SH3BP5L: variants seen among roughly 807,000 people sequenced by gnomAD.
SH3BP5L encodes SH3 domain-binding protein 5-like.
A neutral mutation model predicts 40.9 loss-of-function variants in SH3BP5L; 16 were observed. That is an observed-to-expected ratio of 0.39 (90% CI 0.27 to 0.59). The LOEUF (loss-of-function observed/expected upper bound fraction) is 0.59, where lower values mean the gene tolerates loss of function less well. SH3BP5L is among the 20% of genes least tolerant of loss of function. SH3BP5L has a pLI of 0.53. For missense variants in SH3BP5L, 471 were observed against 544.6 expected (o/e 0.86, Z 1.35); for synonymous variants, 229 against 226.7 (o/e 1.01, Z -0.09).
At chr1:248,816,301 G>A in intron 4 of SH3BP5L, 1 of 518,738 alleles carries the variant, frequency 1.9e-6, no homozygotes, top group South Asian at 2.2e-5. Context: ...CATTAGCAGG[G>A]CTGAACTAAA....
At chr1:248,818,046 G>A (rs1664152077) in intron 2 of SH3BP5L, among the ~76,000 whole-genome samples, 1 of 151,584 alleles carries the variant, frequency 6.6e-6, no homozygotes, top group Non-Finnish European at 1.5e-5. Flanking sequence ...GGGGAGCCAG[G>A]GAGACAAAAG....
chr1:248,816,466 T>C lies in SH3BP5L; in HGVS notation c.375+68A>G, dbSNP rs1415916948. 6 of 1,597,748 alleles carry C rather than the reference T, an allele frequency of 3.8e-6. No homozygotes were observed. In the South Asian group the frequency reaches 5.5e-5, roughly 15 times the overall value. Reference sequence around the variant, plus strand: ...CTGGTGTTTTGTCTCTCACTCCATATAGAGACAGAAGAATCCAGGGCCAGG... The same window carrying C: ...CTGGTGTTTTGTCTCTCACTCCATACAGAGACAGAAGAATCCAGGGCCAGG... On this transcript the variant is annotated intron_variant, in intron 4 of 6. Coordinates refer to ENST00000366472, the MANE Select transcript of SH3BP5L (RefSeq NM_030645.3).
intron 4 of SH3BP5L, chr1:248,815,014 G>C (rs996157040): frequency 2.8e-6 from 1 of 353,836 alleles, no homozygotes; most frequent in Admixed American, 3.8e-5. Flanking sequence ...AATCAGACAA[G>C]TGCTCAGGGA....
rs112018133 is a variant in SH3BP5L at position 248,822,812 on chromosome 1, G to A, written c.183+1941C>T. Among the ~76,000 whole-genome samples the A allele has an allele frequency of 6.6e-5, 10 of 152,058 alleles. 1 individual carries two copies. The highest frequency in any genetic ancestry group is 1.2e-4 in the African/African-American group (5 of 41,474). ...CAAGTAGCTGGGATTACAGGCACCC[G>A]CCACAACACCTGGCTAGCTTTTTTT... On this transcript the variant is annotated intron_variant, in intron 2 of 6. Transcript: ENST00000366472.
In SH3BP5L at chr1:248,810,512, G is replaced by C. The variant is rs1663869147; in HGVS notation, c.*1388C>G. ...AAGACCCTTTCCCCCTTACACACCA[G>C]CACATGCACACACGCACACCCACAC... On this transcript the variant is annotated 3_prime_UTR_variant, in exon 7 of 7. Coordinates refer to ENST00000366472, the MANE Select transcript of SH3BP5L (RefSeq NM_030645.3). 1 of 152,306 alleles carries C rather than the reference G, an allele frequency of 6.6e-6. No individual in the cohort carries two copies. Among genetic ancestry groups the C allele is most frequent in the Non-Finnish European group, 1.5e-5 (1 of 68,068 alleles). The allele number at this position is 152,306 out of a possible 1,614,324, so 9.4% of individuals were successfully genotyped here. A position where few individuals can be genotyped will look rare whatever the true frequency, so the allele number is the denominator to read the frequency against.
Position 248,812,019 on chromosome 1 carries a change from G to C in SH3BP5L, c.1063C>G (p.Arg355Gly), listed in dbSNP as rs1356310737. 7.4e-6 allele frequency: 12 copies of C among 1,611,730 alleles called. No individual in the cohort carries two copies. Among genetic ancestry groups the C allele is most frequent in the Non-Finnish European group, 8.5e-6 (10 of 1,179,346 alleles). ...AGACTGACGTGGTCCGAGAGGCCTCGCAAGTGCTCCACGGAGTCGCACTTC... is the reference window on the plus strand; with the variant it reads ...AGACTGACGTGGTCCGAGAGGCCTCCCAAGTGCTCCACGGAGTCGCACTTC... The part of the protein sequence containing the change: ...LQKCDSVEHL[R>G]GLSDHVSLDG... Residue 355 changes from arginine (R) to glycine (G), a missense_variant, in exon 7 of 7, where the codon CGA (arginine) becomes GGA (glycine). Transcript: ENST00000366472. The surrounding 1 kb of genome is among the most constrained non-coding windows in gnomAD (Gnocchi z 6.1).
chr1:248,812,963 C>T lies in SH3BP5L; in HGVS notation c.711+26G>A, dbSNP rs1397061575. 1.9e-6 allele frequency: 3 copies of T among 1,547,286 alleles called. No individual in the cohort carries two copies. The highest frequency in any genetic ancestry group is 2.6e-6 in the Non-Finnish European group (3 of 1,139,636). On this transcript the variant is annotated intron_variant, in intron 6 of 6. Transcript: ENST00000366472. The surrounding 1 kb of genome is among the most constrained non-coding windows in gnomAD (Gnocchi z 6.1). Reference sequence around the variant, plus strand: ...AGCCTGCACCCCCACCTACCCATTCCTCCTCCCCCTCACCCACTCAGCTAC... The same window carrying T: ...AGCCTGCACCCCCACCTACCCATTCTTCCTCCCCCTCACCCACTCAGCTAC...
chr1:248,812,150 G>GCC lies in SH3BP5L; in HGVS notation c.930_931dup (p.Ala311GlyfsTer24). 6.2e-7 allele frequency: 1 copy of GCC among 1,600,402 alleles called. No individual in the cohort carries two copies. The highest frequency in any genetic ancestry group is 8.5e-7 in the Non-Finnish European group (1 of 1,173,378). Reference sequence around the variant, plus strand: ...GCCCTCCTCCAGCCCCGCACCCTCGGCCCCCTCAATCCCGCTGTCTCCGTC... The same window carrying GCC: ...GCCCTCCTCCAGCCCCGCACCCTCGGCCCCCCCTCAATCCCGCTGTCTCCGTC... On this transcript the variant is annotated frameshift_variant, in exon 7 of 7. Transcript: ENST00000366472. LOFTEE classifies it high-confidence loss of function. This position sits in a 1 kb window ranked among gnomAD's most constrained non-coding sequence, Gnocchi z 6.1.
Position 248,816,548 on chromosome 1 carries a change from G to C in SH3BP5L, c.361C>G (p.Arg121Gly), listed in dbSNP as rs774976778. 6.2e-6 allele frequency: 10 copies of C among 1,613,896 alleles called. No homozygotes were observed. Among genetic ancestry groups the C allele is most frequent in the Non-Finnish European group, 6.8e-6 (8 of 1,179,996 alleles). The change falls in exon 4 of 7, where the codon CGG becomes GGG. Residue 121 changes from arginine (R) to glycine (G), a missense_variant. By Grantham distance (125) the Arg-to-Gly change is moderately radical. Transcript: ENST00000366472. ...EKARPYYEAR[R>G]LAKEAQQETQ... is the part of the protein sequence containing the mutation. ...GCCAGCCATACCTCCTTAGCCAGCC[G>C]CCGAGCCTCATAGTAGGGCCGGGCT...
At chr1:248,819,776 T>G (rs188186629) in intron 2 of SH3BP5L, among the ~76,000 whole-genome samples, 1 of 151,536 alleles carries the variant, frequency 6.6e-6, no homozygotes, top group African/African-American at 2.4e-5. Flanking sequence ...CAAATTTGCA[T>G]TGGGCCGTGT....
chr1:248,814,732 C>G, intron 4 of SH3BP5L, 122 bp from the exon 5 acceptor site: 1 of 917,694 alleles, frequency 1.1e-6, no homozygotes, highest in South Asian at 1.4e-5. Context: ...GCTTCATTTC[C>G]CAAACTGTGC....
Position 248,812,287 on chromosome 1 carries a change from C to T in SH3BP5L, c.795G>A (p.Glu265=), listed in dbSNP as rs1232613517. The T allele has an allele frequency of 1.2e-6, 2 of 1,612,236 alleles. No homozygotes were observed. The highest frequency in any genetic ancestry group is 1.7e-6 in the Non-Finnish European group (2 of 1,179,988). The part of the protein sequence containing the change: ...TRYSVALRNL[E]QISEQIHARR... ...GTGCGTGAATCTGCTCGCTGATCTG[C>T]TCCAGGTTACGAAGGGCCACGGAGT... The change falls in exon 7 of 7, where the codon GAG becomes GAA. Residue 265 remains glutamate, a synonymous_variant. Transcript: ENST00000366472. This position sits in a 1 kb window ranked among gnomAD's most constrained non-coding sequence, Gnocchi z 6.1.
chr1:248,824,836 C>T lies in SH3BP5L; in HGVS notation c.100G>A (p.Glu34Lys). 6.2e-7 allele frequency: 1 copy of T among 1,614,188 alleles called. No individual in the cohort carries two copies. Among genetic ancestry groups the T allele is most frequent in the Non-Finnish European group, 8.5e-7 (1 of 1,180,012 alleles). Residue 34 changes from glutamate (E) to lysine (K), a missense_variant, in exon 2 of 7, where the codon GAA (glutamate) becomes AAA (lysine). Coordinates refer to ENST00000366472, the MANE Select transcript of SH3BP5L (RefSeq NM_030645.3). ...EDEVPRSPVAEEPGGGGSSSS... is the reference protein window; with the variant it reads ...EDEVPRSPVAKEPGGGGSSSS... Reference sequence around the variant, plus strand: ...CTGCTTCCACCTCCTCCAGGCTCTTCTGCGACTGGGCTCCTAGGGACTTCA... The same window carrying T: ...CTGCTTCCACCTCCTCCAGGCTCTTTTGCGACTGGGCTCCTAGGGACTTCA...
At chr1:248,813,411 G>C in intron 5 of SH3BP5L, 1 of 398,998 alleles carries the variant, frequency 2.5e-6, no homozygotes. Context: ...ACATGCCTCT[G>C]AGCCACGTCT....
At chr1:248,819,074 C>G (rs1487423741) in intron 2 of SH3BP5L, among the ~76,000 whole-genome samples, 4 of 152,228 alleles carry the variant, frequency 2.6e-5, no homozygotes, top group Non-Finnish European at 5.9e-5. Flanking sequence ...CTTTTAGTCC[C>G]TTCTACCTCT....
rs189927622 is a variant in SH3BP5L at position 248,818,249 on chromosome 1, G to A, written c.184-1365C>T. 5.3e-5 allele frequency among the ~76,000 whole-genome samples: 8 copies of A among 152,210 alleles called. No homozygotes were observed. The East Asian group carries it at 9.7e-4, about 18-fold the overall frequency. ...TATAATCCCAGCTACTTGGGAGGCC[G>A]AGGCACGAAAATGGCTTGAACCCGG... On this transcript the variant is annotated intron_variant, in intron 2 of 6. Transcript: ENST00000366472.
rs752993875 is a variant in SH3BP5L, at chr1:248,814,739, G to A, written c.376-129C>T. ...CAATGTCGGCTTCATTTCCCAAACTGTGCTGAGGATAAATGCCAAGGAAGC... is the reference window on the plus strand; with the variant it reads ...CAATGTCGGCTTCATTTCCCAAACTATGCTGAGGATAAATGCCAAGGAAGC... On this transcript the variant is annotated intron_variant, in intron 4 of 6. Transcript: ENST00000366472. 2.1e-5 allele frequency: 18 copies of A among 869,464 alleles called. No homozygotes were observed. The African/African-American group carries it at 2.7e-4, about 13-fold the overall frequency. 53.9% of individuals were successfully genotyped at this position (869,464 alleles called of 1,614,324 possible).
chr1:248,819,594 T>C (rs775503110), intron 2 of SH3BP5L, among the ~76,000 whole-genome samples: 22 of 149,804 alleles, frequency 1.5e-4, no homozygotes, highest in Admixed American at 5.4e-4. Flanking sequence ...TCCCAGCTAC[T>C]GGGACGGCTG....
Position 248,812,092 on chromosome 1 carries a change from G to T in SH3BP5L, c.990C>A (p.Thr330=). The part of the protein sequence containing the change: ...SSLGPGPAPD[T]DTLSLLSLRT... ...GCAGGCTCAGCAGACTCAGGGTATC[G>T]GTGTCGGGGGCGGGGCCGGGCCCCA... The change falls in exon 7 of 7, where the codon ACC becomes ACA. Residue 330 remains threonine, a synonymous_variant. Coordinates refer to ENST00000366472, the MANE Select transcript of SH3BP5L (RefSeq NM_030645.3). The surrounding 1 kb of genome is among the most constrained non-coding windows in gnomAD (Gnocchi z 6.1). The T allele has an allele frequency of 6.2e-7, 1 of 1,612,060 alleles. No homozygotes were observed. The highest frequency in any genetic ancestry group is 8.5e-7 in the Non-Finnish European group (1 of 1,179,100).
Sources: allele counts gnomAD v4.1 joint callset (sites outside exome capture counted in the v4.1 genomes callset), GRCh38; gene constraint gnomAD v4.1.1; non-coding constraint Gnocchi (gnomAD v3.1); transcripts MANE v1.5; gene names NCBI Gene and HGNC (gene_info 2026-07-23, HGNC 2026-07-21).